The following DNAH3 variants were observed in gnomAD, a reference collection of about 807,000 sequenced individuals.
DNAH3 encodes dynein axonemal heavy chain 3, also known as axonemal beta dynein heavy chain 3.
A neutral mutation model predicts 432.5 loss-of-function variants in DNAH3; 332 were observed. The ratio of observed to expected loss-of-function variants is 0.77; its 90% confidence interval spans 0.70 to 0.84. DNAH3 has a LOEUF of 0.84. DNAH3 is among the 40% of genes least tolerant of loss of function. The pLI is 0.00. For synonymous variants in DNAH3, 1,956 were observed against 1,900.2 expected (o/e 1.03, Z -0.76); for missense variants, 4,861 against 5,114.0 (o/e 0.95, Z 1.51).
intron 52 of DNAH3, among the ~76,000 whole-genome samples, chr16:20,966,651 G>A (rs2085076999): frequency 6.6e-6 from 1 of 152,126 alleles, no homozygotes; most frequent in African/African-American, 2.4e-5. Context: ...AATAAATATG[G>A]GTTGAATGAA....
chr16:21,090,918 G>A (rs1486025849), intron 18 of DNAH3, among the ~76,000 whole-genome samples: 3 of 152,074 alleles, frequency 2.0e-5, no homozygotes, highest in African/African-American at 7.2e-5. Context: ...TTGGGAATCA[G>A]AGGCGGGTGG....
chr16:21,033,314 T>C (rs1453739878), intron 36 of DNAH3, among the ~76,000 whole-genome samples: 2 of 152,180 alleles, frequency 1.3e-5, no homozygotes, highest in African/African-American at 4.8e-5. Flanking sequence ...TTGTGTTTTA[T>C]AAAAACAAAA....
exon 47 of DNAH3, chr16:20,987,398 G>C: frequency 1.9e-6 from 3 of 1,614,136 alleles, no homozygotes; most frequent in Non-Finnish European, 2.5e-6. Context: ...GACGATCATA[G>C]AAGACCCGAT....
intron 52 of DNAH3, among the ~76,000 whole-genome samples, chr16:20,966,517 TC>T (rs1163324167): frequency 2.0e-5 from 3 of 152,150 alleles, no homozygotes; most frequent in African/African-American, 7.2e-5. Context: ...GAAAGTCCAT[TC>T]CCTTTATAGC....
In DNAH3 at chr16:21,003,147, T is replaced by A; in HGVS notation, c.6083A>T (p.Gln2028Leu). 1 of 1,613,028 alleles carries A rather than the reference T, an allele frequency of 6.2e-7. No individual in the cohort carries two copies. Among genetic ancestry groups the A allele is most frequent in the Non-Finnish European group, 8.5e-7 (1 of 1,179,688 alleles). The change falls in exon 42 of 62, where the codon CAG becomes CTG. Residue 2028 changes from glutamine to leucine, a missense_variant. Transcript: ENST00000261383. Reference sequence around the variant, plus strand: ...TTTTTCCTCCTCTTTGGTGATATACTGTGTCCACGTTTCCCAATGTCCACT... The same window carrying A: ...TTTTTCCTCCTCTTTGGTGATATACAGTGTCCACGTTTCCCAATGTCCACT...
chr16:21,137,052 G>A (rs932389228), intron 5 of DNAH3, among the ~76,000 whole-genome samples: 1 of 151,888 alleles, frequency 6.6e-6, no homozygotes, highest in African/African-American at 2.4e-5. Context: ...GAAAATTGCT[G>A]GAACCCAGGA....
At chr16:20,983,537 T>C (rs988551057) in intron 48 of DNAH3, among the ~76,000 whole-genome samples, 2 of 152,166 alleles carry the variant, frequency 1.3e-5, no homozygotes, top group South Asian at 2.1e-4. Flanking sequence ...TTTGTGCTGA[T>C]ACACGGGAGC....
chr16:21,119,085 G>A (rs556262134), intron 11 of DNAH3, among the ~76,000 whole-genome samples: 1 of 152,308 alleles, frequency 6.6e-6, no homozygotes, highest in East Asian at 1.9e-4. Context: ...CTTCTTTGCT[G>A]CAGCCATACT....
At chr16:21,098,963 A>T (rs971269189) in intron 16 of DNAH3, among the ~76,000 whole-genome samples, 194 bp from the exon 17 acceptor site, 6 of 152,110 alleles carry the variant, frequency 3.9e-5, no homozygotes, top group African/African-American at 1.4e-4. Context: ...AAGTTAAACT[A>T]CCTATAAGAC....
rs1330823754 is a variant in DNAH3, at chr16:20,984,958, G to C, written c.7665+119C>G. 5.3e-6 allele frequency: 6 copies of C among 1,124,366 alleles called. No individual in the cohort carries two copies. The Admixed American group carries it at 9.6e-5, about 18-fold the overall frequency. The allele number at this position is 1,124,366 out of a possible 1,614,324, so 69.6% of individuals were successfully genotyped here. On this transcript the variant is annotated intron_variant, in intron 48 of 61. Coordinates refer to ENST00000261383, the Ensembl canonical transcript of DNAH3. ...GGTGCGTTGGCTGAATCAACCCTGG[G>C]ACCATTGTAAGGGATTGGCCTGCTC... is the stretch of plus-strand genomic sequence containing the variant.
Position 21,106,327 on chromosome 16 carries a change from GCT to G in DNAH3, c.2284+161_2284+162del, listed in dbSNP as rs1209283093. 2.6e-5 allele frequency among the ~76,000 whole-genome samples: 4 copies of G among 152,026 alleles called. No individual in the cohort carries two copies. In the East Asian group the frequency reaches 7.7e-4, roughly 29 times the overall value. The stretch of plus-strand genomic sequence containing the variant: ...AACATATGGGGGCACTTGAAAGGCA[GCT>G]CTTTTATATTTAGTGGTAGAATTCA... On this transcript the variant is annotated intron_variant, in intron 15 of 61. Transcript: ENST00000261383.
chr16:21,115,721 T>TA (rs61092151), intron 12 of DNAH3, among the ~76,000 whole-genome samples: 24,692 of 140,956 alleles, frequency 0.18, 2,377 homozygotes, highest in South Asian at 0.23. Context: ...AATAATAAAA[T>TA]AAATAAAATA....
rs971797558 is a variant in DNAH3, at chr16:20,959,459, C to A, written c.10601-55G>T. On this transcript the variant is annotated intron_variant, in intron 53 of 61. Transcript: ENST00000261383. ...AAGACGACAGGCCAGCTAACAGTAA[C>A]AGAACAGCTATATCAACAATAACAA... 1.3e-5 allele frequency: 20 copies of A among 1,544,030 alleles called. No individual in the cohort carries two copies. In the Middle Eastern group the frequency reaches 1.3e-3, roughly 104 times the overall value.
intron 61 of DNAH3, among the ~76,000 whole-genome samples, chr16:20,934,555 A>T (rs560556917): frequency 7.2e-5 from 11 of 152,304 alleles, no homozygotes; most frequent in Non-Finnish European, 1.3e-4. Context: ...TACTATACTA[A>T]AAGTGAAAAA....
At chr16:21,037,848 T>C (rs775173142) in exon 34 of DNAH3, 1 of 1,614,102 alleles carries the variant, frequency 6.2e-7, no homozygotes, top group Non-Finnish European at 8.5e-7. Context: ...CATTCTCCTC[T>C]GGATACTTGA....
intron 5 of DNAH3, among the ~76,000 whole-genome samples, chr16:21,136,815 G>A (rs1029550999): frequency 6.6e-6 from 1 of 152,036 alleles, no homozygotes; most frequent in Middle Eastern, 3.2e-3. Flanking sequence ...CAGGGATGGA[G>A]GTGGCATATC....
intron 49 of DNAH3, among the ~76,000 whole-genome samples, chr16:20,981,939 T>C (rs1049885219): frequency 6.7e-6 from 1 of 148,652 alleles, no homozygotes; most frequent in Non-Finnish European, 1.5e-5. Context: ...TATACATACA[T>C]AAAGTGTATA....
At chr16:21,117,302 T>C in exon 12 of DNAH3, 1 of 1,610,172 alleles carries the variant, frequency 6.2e-7, no homozygotes, top group Non-Finnish European at 8.5e-7. Flanking sequence ...AAGGAGCAGA[T>C]TATATCCTTT....
intron 32 of DNAH3, among the ~76,000 whole-genome samples, chr16:21,041,591 GTC>G (rs1486597852): frequency 1.3e-5 from 2 of 152,162 alleles, no homozygotes; most frequent in Non-Finnish European, 2.9e-5. Context: ...GCGTAGCTGG[GTC>G]TCTCTTATCA....
Sources: gnomAD v4.1 joint callset for allele counts (sites outside exome capture counted in the v4.1 genomes callset) on GRCh38, gnomAD v4.1.1 for gene constraint, MANE v1.5 for transcripts, NCBI Gene and HGNC (gene_info 2026-07-23, HGNC 2026-07-21) for gene names.